The following CNIH3 variants were observed in gnomAD, a reference collection of about 807,000 sequenced individuals.
CNIH3 encodes the protein protein cornichon homolog 3.
Under a neutral mutation model 24.1 loss-of-function variants are expected in CNIH3, and 14 were observed. That is an observed-to-expected ratio of 0.58 (90% CI 0.38 to 0.91). The LOEUF is 0.91. Ranked by LOEUF, CNIH3 falls within the 40% of genes least tolerant of loss-of-function variation. The pLI, the probability that CNIH3 is intolerant of heterozygous loss-of-function variation, is 0.00. For synonymous variants in CNIH3, 68 were observed against 73.8 expected, an observed-to-expected ratio of 0.92 and a Z score of 0.40; for missense variants, 178 against 196.8, an observed-to-expected ratio of 0.90 and a Z score of 0.57.
At chr1:224,481,939 G>A (rs193049838) in intron 1 of CNIH3, among the ~76,000 whole-genome samples, 10 of 152,298 alleles carry the variant, frequency 6.6e-5, no homozygotes, top group South Asian at 2.1e-4. Flanking sequence ...GGCTGAGCTG[G>A]CACCAAATCC....
At chr1:224,518,680 C>G (rs1050342604) in intron 1 of CNIH3, among the ~76,000 whole-genome samples, 6 of 152,178 alleles carry the variant, frequency 3.9e-5, no homozygotes, top group Admixed American at 1.3e-4. Flanking sequence ...CCCCCTCTTA[C>G]TCATTCAGTC....
chr1:224,739,373 A>G lies in CNIH3; in HGVS notation c.*17A>G. ...AGCTCTTAACGCAAAGACCATGCACATCATCAGAGACTGAGATGGGAGAGG... is the reference window on the plus strand; with the variant it reads ...AGCTCTTAACGCAAAGACCATGCACGTCATCAGAGACTGAGATGGGAGAGG... On this transcript the variant is annotated 3_prime_UTR_variant, in exon 6 of 6. Coordinates refer to ENST00000272133, the MANE Select transcript of CNIH3 (RefSeq NM_152495.2). 1.3e-6 allele frequency: 2 copies of G among 1,594,680 alleles called. No individual in the cohort carries two copies. Among genetic ancestry groups the G allele is most frequent in the Non-Finnish European group, 8.5e-7 (1 of 1,176,280 alleles).
chr1:224,718,848 C>T (rs138411916), intron 3 of CNIH3: 7 of 152,352 alleles, frequency 4.6e-5, no homozygotes, highest in Admixed American at 1.3e-4. Context: ...CAGCGGGATC[C>T]CTCTCCATGT....
chr1:224,679,483 G>C (rs1490171213), intron 1 of CNIH3, among the ~76,000 whole-genome samples: 5 of 152,226 alleles, frequency 3.3e-5, no homozygotes, highest in Non-Finnish European at 5.9e-5. Context: ...AAGCTTCAGG[G>C]AGTCATATAT....
At chr1:224,594,616 T>C (rs1053170087) in intron 3 of CNIH3, among the ~76,000 whole-genome samples, 6 of 152,216 alleles carry the variant, frequency 3.9e-5, no homozygotes, top group African/African-American at 1.4e-4. Context: ...GGCCACGGCC[T>C]TTACTGGGGT....
chr1:224,523,915 G>C (rs886074798), intron 2 of CNIH3, among the ~76,000 whole-genome samples: 15 of 152,168 alleles, frequency 9.9e-5, no homozygotes, highest in Non-Finnish European at 2.1e-4. Context: ...AAGGAGGATG[G>C]AGCCCTGAGG....
At chr1:224,659,438 C>T (rs1376705326) in intron 1 of CNIH3, among the ~76,000 whole-genome samples, 2 of 152,072 alleles carry the variant, frequency 1.3e-5, no homozygotes, top group Admixed American at 6.6e-5. Context: ...CTTCTTAGGC[C>T]AGTTACCAAA....
chr1:224,552,711 C>T (rs755660173), intron 3 of CNIH3, among the ~76,000 whole-genome samples: 3 of 151,062 alleles, frequency 2.0e-5, no homozygotes, highest in African/African-American at 7.3e-5. Context: ...TAATGTATCT[C>T]GCTTAGATAT....
rs532460838 is a variant in CNIH3 at position 224,471,424 on chromosome 1, G to A, written n.203+36562G>A. Reference sequence around the variant, plus strand: ...CCCCCACTACCCTTCCCAGCTTCTGGTAACCATCATTGTACGCTCTATCTC... The same window carrying A: ...CCCCCACTACCCTTCCCAGCTTCTGATAACCATCATTGTACGCTCTATCTC... On this transcript the variant is annotated intron_variant and non_coding_transcript_variant, in intron 1 of 5. Transcript: ENST00000471578. Among the ~76,000 whole-genome samples the A allele has an allele frequency of 2.6e-5, 4 of 152,094 alleles. No individual in the cohort carries two copies. The East Asian group carries it at 5.8e-4, about 22-fold the overall frequency.
chr1:224,564,849 T>A (rs1680516192), intron 3 of CNIH3, among the ~76,000 whole-genome samples: 1 of 152,232 alleles, frequency 6.6e-6, no homozygotes, highest in Admixed American at 6.5e-5. Flanking sequence ...TGTGTAACGA[T>A]ACCTGGATAG....
At chr1:224,668,547 C>T (rs6677478) in intron 1 of CNIH3, among the ~76,000 whole-genome samples, 2 of 152,128 alleles carry the variant, frequency 1.3e-5, no homozygotes, top group South Asian at 4.1e-4. Flanking sequence ...CTTTGGGGAG[C>T]CTTTCTGATG....
At chr1:224,562,780 C>T (rs537980482) in intron 3 of CNIH3, among the ~76,000 whole-genome samples, 20 of 152,286 alleles carry the variant, frequency 1.3e-4, no homozygotes, top group African/African-American at 4.8e-4. Flanking sequence ...ACACACTGCT[C>T]TCCTTCCTCT....
At chr1:224,505,139 C>G (rs529257622) in intron 1 of CNIH3, among the ~76,000 whole-genome samples, 16 of 150,884 alleles carry the variant, frequency 1.1e-4, no homozygotes, top group Non-Finnish European at 1.8e-4. Context: ...CAAACTCTGT[C>G]TCTACAAAAA....
At chr1:224,482,886 C>T (rs1042801753) in intron 1 of CNIH3, among the ~76,000 whole-genome samples, 2 of 152,240 alleles carry the variant, frequency 1.3e-5, no homozygotes, top group Admixed American at 6.5e-5. Flanking sequence ...CGTTAGCCTG[C>T]GGTGACAAGG....
rs1280099444 is a variant in CNIH3, at chr1:224,739,568, G to A, written c.*212G>A. The A allele has an allele frequency of 2.3e-6, 2 of 885,284 alleles. No homozygotes were observed. Among genetic ancestry groups the A allele is most frequent in the Non-Finnish European group, 3.4e-6 (2 of 591,808 alleles). The allele number at this position is 885,284 out of a possible 1,614,324, so 54.8% of individuals were successfully genotyped here. A position where few individuals can be genotyped will look rare whatever the true frequency, so the allele number is the denominator to read the frequency against. ...GTGTCACCCTGTTTGTCAATCTTTG[G>A]CATTCGAATTCCACACACGGGGTCC... On this transcript the variant is annotated 3_prime_UTR_variant, in exon 6 of 6. Coordinates refer to ENST00000272133, the MANE Select transcript of CNIH3 (RefSeq NM_152495.2).
At chr1:224,572,001 C>T (rs558834303) in intron 4 of CNIH3, among the ~76,000 whole-genome samples, 4 of 152,192 alleles carry the variant, frequency 2.6e-5, no homozygotes, top group East Asian at 1.9e-4. Context: ...CAATGTAAGA[C>T]GTGGGGGTTA....
chr1:224,499,897 C>T (rs1470902567), intron 1 of CNIH3, among the ~76,000 whole-genome samples: 2 of 141,402 alleles, frequency 1.4e-5, no homozygotes, highest in African/African-American at 5.9e-5. Context: ...CATCCTATCT[C>T]TACCAAAAAA....
At position 224,479,144 on chromosome 1, in the gene CNIH3, C is replaced by CTT. The variant is rs35188696; in HGVS notation, n.204-36572_204-36571dup. Among the ~76,000 whole-genome samples the CTT allele has an allele frequency of 4.2e-3, 223 of 53,700 alleles. 14 individuals are homozygous for CTT. The highest frequency in any genetic ancestry group is 4.9e-3 in the Non-Finnish European group (156 of 31,592). The allele number at this position is 53,700 out of a possible 152,430, so 35.2% of individuals were successfully genotyped here. On this transcript the variant is annotated intron_variant and non_coding_transcript_variant, in intron 1 of 5. Transcript: ENST00000471578. Reference sequence around the variant, plus strand: ...TGCCTTCCCAGCAGTCCCCCAAAGTCTTTTTTTTTTTTTTTTTTTTTTTTT... The same window carrying CTT: ...TGCCTTCCCAGCAGTCCCCCAAAGTCTTTTTTTTTTTTTTTTTTTTTTTTTTT...
chr1:224,593,143 CTT>C (rs59988579), downstream of CNIH3, among the ~76,000 whole-genome samples: 3 of 141,340 alleles, frequency 2.1e-5, no homozygotes, highest in African/African-American at 5.2e-5. Flanking sequence ...ACTTCCTCTT[CTT>C]TTTTTTTTTT....
Sources: allele counts gnomAD v4.1 joint callset (sites outside exome capture counted in the v4.1 genomes callset), GRCh38; gene constraint gnomAD v4.1.1; transcripts MANE v1.5; gene names NCBI Gene and HGNC (gene_info 2026-07-23, HGNC 2026-07-21).